Variants in ACTL8 observed in about 807,000 individuals in gnomAD.
ACTL8 encodes the protein actin like 8.
ACTL8 carries 3 observed loss-of-function variants against 9.3 expected under a neutral mutation model. That is an observed-to-expected ratio of 0.32 (90% CI 0.15 to 0.83). The LOEUF (loss-of-function observed/expected upper bound fraction) is 0.83, where lower values mean the gene tolerates loss of function less well. ACTL8 is among the 40% of genes least tolerant of loss of function. ACTL8 has a pLI of 0.57. For missense variants in ACTL8, 381 were observed against 492.2 expected (o/e 0.77, Z 2.14); for synonymous variants, 224 against 205.9 (o/e 1.09, Z -0.75).
chr1:17,784,025 G>A (rs112353530), intron 1 of ACTL8, among the ~76,000 whole-genome samples: 5,601 of 152,284 alleles, frequency 0.037, 154 homozygotes, highest in Middle Eastern at 0.068. Context: ...CTGTGATATG[G>A]GAATCGTATT....
intron 1 of ACTL8, among the ~76,000 whole-genome samples, chr1:17,775,719 CCA>C (rs1008211800): frequency 3.3e-5 from 5 of 152,210 alleles, no homozygotes; most frequent in African/African-American, 4.8e-5. Flanking sequence ...TGGCTTGACT[CCA>C]CTCCAGGCAC....
chr1:17,784,876 G>T (rs545485086), intron 1 of ACTL8, among the ~76,000 whole-genome samples: 1 of 152,320 alleles, frequency 6.6e-6, no homozygotes, highest in Admixed American at 6.5e-5. Flanking sequence ...AGTTACAAAA[G>T]AAAGAAGTTG....
chr1:17,774,802 G>A (rs918674849), intron 1 of ACTL8, among the ~76,000 whole-genome samples: 2 of 152,124 alleles, frequency 1.3e-5, no homozygotes, highest in African/African-American at 4.8e-5. Flanking sequence ...GACCCCTGGA[G>A]CCGCTGGAAG....
At chr1:17,785,756 T>G (rs2066192755) in intron 1 of ACTL8, among the ~76,000 whole-genome samples, 1 of 152,176 alleles carries the variant, frequency 6.6e-6, no homozygotes, top group Non-Finnish European at 1.5e-5. Context: ...ATTTGATGGG[T>G]GTGTTAGTTT....
At chr1:17,779,304 C>T (rs914529851) in intron 1 of ACTL8, among the ~76,000 whole-genome samples, 4 of 152,188 alleles carry the variant, frequency 2.6e-5, no homozygotes, top group African/African-American at 9.7e-5. Context: ...CTGACCTTCG[C>T]CTTGTACCTT....
intron 1 of ACTL8, among the ~76,000 whole-genome samples, chr1:17,774,790 C>CT (rs765287832): frequency 4.0e-4 from 61 of 152,150 alleles, no homozygotes; most frequent in Non-Finnish European, 7.9e-4. Flanking sequence ...ACAGAGGCAC[C>CT]TGACCCCTGG....
chr1:17,818,632 G>A (rs149526161), intron 1 of ACTL8, among the ~76,000 whole-genome samples: 46 of 152,300 alleles, frequency 3.0e-4, no homozygotes, highest in African/African-American at 1.1e-3. Context: ...TGCTTTTCCA[G>A]GTATTCACAT....
intron 1 of ACTL8, among the ~76,000 whole-genome samples, chr1:17,755,946 T>TG (rs1484266623): frequency 1.6e-5 from 2 of 128,226 alleles, no homozygotes; most frequent in Non-Finnish European, 3.4e-5. Flanking sequence ...AGTCCTGGGG[T>TG]GGGGGGCTGT....
intron 1 of ACTL8, among the ~76,000 whole-genome samples, chr1:17,794,711 A>C (rs2066265142): frequency 6.6e-6 from 1 of 152,164 alleles, no homozygotes; most frequent in African/African-American, 2.4e-5. Flanking sequence ...TTTCTGTATC[A>C]AGCTCTTGTT....
At chr1:17,762,589 CTGTT>C (rs1413374354) in intron 1 of ACTL8, among the ~76,000 whole-genome samples, 2 of 152,178 alleles carry the variant, frequency 1.3e-5, no homozygotes, top group Admixed American at 6.5e-5. Context: ...TTGAGTGTGA[CTGTT>C]TGGCAGTGGT....
At chr1:17,797,843 A>T (rs2066289064) in intron 1 of ACTL8, among the ~76,000 whole-genome samples, 1 of 152,214 alleles carries the variant, frequency 6.6e-6, no homozygotes, top group Non-Finnish European at 1.5e-5. Flanking sequence ...CCTGGCCGTC[A>T]GTGGGCTTCC....
chr1:17,775,109 A>G (rs2066109971), intron 1 of ACTL8, among the ~76,000 whole-genome samples: 1 of 152,208 alleles, frequency 6.6e-6, no homozygotes, highest in Non-Finnish European at 1.5e-5. Flanking sequence ...GTACTCTGAG[A>G]GGACTCCTTA....
At chr1:17,781,388 T>G (rs1220426435) in intron 1 of ACTL8, among the ~76,000 whole-genome samples, 1 of 152,040 alleles carries the variant, frequency 6.6e-6, no homozygotes, top group East Asian at 1.9e-4. Flanking sequence ...TTATAGTGCC[T>G]GCCACCACGC....
chr1:17,810,793 TAGTAATTTTGAC>T (rs913554175), intron 1 of ACTL8, among the ~76,000 whole-genome samples: 1 of 152,260 alleles, frequency 6.6e-6, no homozygotes, highest in African/African-American at 2.4e-5. Context: ...TCATGTAGCA[TAGTAATTTTGAC>T]AGTCATGGAT....
rs2053685313 is a variant in ACTL8 at position 17,823,771 on chromosome 1, T to C, written c.348+415T>C. On this transcript the variant is annotated intron_variant, in intron 2 of 2. Transcript: ENST00000375406. The surrounding 1 kb of genome is among the most constrained non-coding windows in gnomAD (Gnocchi z 5.3). ...AAAAACCCAACAGAAACCAACAAAT[T>C]GCCCCACAAACATTTCCCAAGAACC... Among the ~76,000 whole-genome samples the C allele has an allele frequency of 6.6e-6, 1 of 151,862 alleles. No individual in the cohort carries two copies. Among genetic ancestry groups the C allele is most frequent in the African/African-American group, 2.4e-5 (1 of 41,334 alleles).
intron 1 of ACTL8, among the ~76,000 whole-genome samples, chr1:17,762,454 G>A (rs1019971227): frequency 6.6e-6 from 1 of 152,098 alleles, no homozygotes; most frequent in Non-Finnish European, 1.5e-5. Context: ...CTTTCAGACC[G>A]AGAGTCAGCT....
intron 1 of ACTL8, among the ~76,000 whole-genome samples, chr1:17,761,406 A>G (rs1161279911): frequency 6.6e-6 from 1 of 152,106 alleles, no homozygotes; most frequent in Non-Finnish European, 1.5e-5. Context: ...GGCCGCTTAC[A>G]GGATGCAGGA....
chr1:17,818,176 C>G (rs1426772655), intron 1 of ACTL8, among the ~76,000 whole-genome samples: 1 of 152,212 alleles, frequency 6.6e-6, no homozygotes, highest in African/African-American at 2.4e-5. Flanking sequence ...TAAATGGATA[C>G]TTTATTCTTC....
intron 1 of ACTL8, among the ~76,000 whole-genome samples, chr1:17,772,326 C>T (rs1348571124): frequency 6.6e-6 from 1 of 152,150 alleles, no homozygotes; most frequent in East Asian, 1.9e-4. Context: ...TAGGGACTTC[C>T]TTGTAAGGCT....
Sources: gnomAD v4.1 joint callset for allele counts (sites outside exome capture counted in the v4.1 genomes callset) on GRCh38, gnomAD v4.1.1 for gene constraint, Gnocchi (gnomAD v3.1) non-coding constraint, MANE v1.5 for transcripts, NCBI Gene and HGNC (gene_info 2026-07-23, HGNC 2026-07-21) for gene names.